KIAA1217: variants seen among roughly 807,000 people sequenced by gnomAD.
KIAA1217 encodes KIAA1217, also known as sickle tail protein homolog.
Under a neutral mutation model 163.9 loss-of-function variants are expected in KIAA1217, and 88 were observed. The observed-to-expected ratio is 0.54, with a 90% CI of 0.45 to 0.64. The LOEUF (loss-of-function observed/expected upper bound fraction) is 0.64, where lower values mean the gene tolerates loss of function less well. KIAA1217 is among the 30% of genes least tolerant of loss of function. The pLI is 0.00. For synonymous variants in KIAA1217, 903 were observed against 923.1 expected, an observed-to-expected ratio of 0.98 and a Z score of 0.39; for missense variants, 2,372 against 2,475.0, an observed-to-expected ratio of 0.96 and a Z score of 0.88.
chr10:24,042,544 C>G (rs2131560149), intron 2 of KIAA1217: 1 of 152,270 alleles, frequency 6.6e-6, no homozygotes, highest in African/African-American at 2.4e-5. Flanking sequence ...TAGAAACTTC[C>G]TGCTTAACAA....
chr10:23,899,072 G>C (rs1442325450), intron 1 of KIAA1217, among the ~76,000 whole-genome samples: 2 of 152,076 alleles, frequency 1.3e-5, no homozygotes, highest in Admixed American at 6.6e-5. Flanking sequence ...TCTGGACTTA[G>C]AGCTGTTTCC....
intron 1 of KIAA1217, among the ~76,000 whole-genome samples, chr10:23,780,370 C>G (rs1835201482): frequency 6.6e-6 from 1 of 152,264 alleles, no homozygotes; most frequent in East Asian, 1.9e-4. Flanking sequence ...GATCTTTAGA[C>G]TTATTTATCC....
At chr10:23,863,820 A>G (rs1840061228) in intron 1 of KIAA1217, among the ~76,000 whole-genome samples, 1 of 152,218 alleles carries the variant, frequency 6.6e-6, no homozygotes. Context: ...TTCCAAGCAC[A>G]TGTACACATA....
intron 2 of KIAA1217, among the ~76,000 whole-genome samples, chr10:24,259,781 T>A (rs2075546282): frequency 6.6e-6 from 1 of 152,188 alleles, no homozygotes; most frequent in Non-Finnish European, 1.5e-5. Context: ...TCCTGTGGGA[T>A]CACTCCTCTC....
chr10:24,010,574 T>G (rs1016870293), intron 2 of KIAA1217, among the ~76,000 whole-genome samples: 1 of 151,766 alleles, frequency 6.6e-6, no homozygotes, highest in African/African-American at 2.4e-5. Flanking sequence ...ATTTCACACG[T>G]GCAGTGTAAG....
intron 1 of KIAA1217, among the ~76,000 whole-genome samples, chr10:23,728,460 CT>C (rs998045199): frequency 2.4e-4 from 36 of 148,506 alleles, no homozygotes; most frequent in African/African-American, 8.1e-4. Context: ...GCACAAATGT[CT>C]TTTTTTGAGA....
chr10:24,245,533 G>T (rs1326286586), intron 2 of KIAA1217, among the ~76,000 whole-genome samples: 1 of 152,152 alleles, frequency 6.6e-6, no homozygotes, highest in Admixed American at 6.5e-5. Context: ...GATTCTGATG[G>T]ACCCTTGGTG....
intron 2 of KIAA1217, among the ~76,000 whole-genome samples, chr10:24,317,080 G>A (rs2043484724): frequency 6.6e-6 from 1 of 151,948 alleles, no homozygotes; most frequent in Non-Finnish European, 1.5e-5. Context: ...GGCCATGTGG[G>A]GAAATTCTTA....
chr10:24,191,398 A>G (rs147899185), intron 2 of KIAA1217, among the ~76,000 whole-genome samples: 221 of 152,304 alleles, frequency 1.5e-3, no homozygotes, highest in African/African-American at 4.9e-3. Context: ...ATACTATTTG[A>G]TAGTACAATA....
At chr10:24,436,533 CG>C in intron 4 of KIAA1217, among the ~76,000 whole-genome samples, 1 of 150,358 alleles carries the variant, frequency 6.7e-6, no homozygotes, top group East Asian at 2.0e-4. Context: ...CCAAGGTGGG[CG>C]GATCACGAGG....
intron 2 of KIAA1217, among the ~76,000 whole-genome samples, chr10:24,224,920 A>G (rs1020329777): frequency 1.3e-4 from 18 of 137,980 alleles, no homozygotes; most frequent in African/African-American, 5.0e-4. Flanking sequence ...TCCGCCTCCC[A>G]GGTTCACGCC....
chr10:23,824,647 AAAATAAAAAAAATAT>A (rs1403515190), intron 1 of KIAA1217, among the ~76,000 whole-genome samples: 15 of 89,374 alleles, frequency 1.7e-4, no homozygotes, highest in African/African-American at 7.7e-4. Flanking sequence ...AAAAAAAAAA[AAAATAAAAAAAATAT>A]ATATATATAT....
chr10:24,383,021 A>AT (rs1364310014), intron 3 of KIAA1217, among the ~76,000 whole-genome samples: 1 of 151,324 alleles, frequency 6.6e-6, no homozygotes. Flanking sequence ...CTAATTTTTT[A>AT]TTTTTTGTAG....
At chr10:24,179,345 C>T (rs891542594) in intron 2 of KIAA1217, among the ~76,000 whole-genome samples, 3 of 151,880 alleles carry the variant, frequency 2.0e-5, no homozygotes, top group Non-Finnish European at 4.4e-5. Flanking sequence ...TTAGCACCAT[C>T]CCCCCAGTCC....
At chr10:23,822,571 C>G (rs1837672406) in intron 1 of KIAA1217, among the ~76,000 whole-genome samples, 1 of 152,128 alleles carries the variant, frequency 6.6e-6, no homozygotes, top group South Asian at 2.1e-4. Context: ...ACTGATAAGT[C>G]AATAGGCAGA....
intron 1 of KIAA1217, among the ~76,000 whole-genome samples, chr10:23,876,072 C>T (rs1588995955): frequency 6.6e-6 from 1 of 150,454 alleles, no homozygotes; most frequent in East Asian, 2.0e-4. Flanking sequence ...ATGTTGTGCA[C>T]ATGTACCCTA....
intron 2 of KIAA1217, among the ~76,000 whole-genome samples, chr10:24,269,562 CA>C (rs1259012898): frequency 3.3e-5 from 5 of 152,108 alleles, no homozygotes; most frequent in Non-Finnish European, 5.9e-5. Flanking sequence ...CATCAAAAAA[CA>C]GAGCAAATTA....
At chr10:23,811,819 C>T (rs189652346) in intron 1 of KIAA1217, among the ~76,000 whole-genome samples, 3 of 152,072 alleles carry the variant, frequency 2.0e-5, no homozygotes, top group African/African-American at 7.3e-5. Context: ...GGTTTCTAAA[C>T]CTGCTTTCTA....
intron 1 of KIAA1217, among the ~76,000 whole-genome samples, chr10:23,962,838 G>C (rs1263899708): frequency 3.3e-5 from 5 of 152,134 alleles, no homozygotes; most frequent in African/African-American, 1.2e-4. Context: ...TTTTTAGAAC[G>C]GAACATGACC....
Sources: gnomAD v4.1 joint callset for allele counts (sites outside exome capture counted in the v4.1 genomes callset) on GRCh38, gnomAD v4.1.1 for gene constraint, MANE v1.5 for transcripts, NCBI Gene and HGNC (gene_info 2026-07-23, HGNC 2026-07-21) for gene names.